EEIG2: variants seen among roughly 807,000 people sequenced by gnomAD.
The protein encoded by EEIG2 is family with sequence similarity 102 member B.
At chr1:108,611,746 A>G in the EEIG2 span, among the ~76,000 whole-genome samples, 1 of 152,214 alleles carries the variant, frequency 6.6e-6, no homozygotes, top group Non-Finnish European at 1.5e-5. Flanking sequence ...CTGGACCCAG[A>G]ATAGGGAGAG....
the EEIG2 span, among the ~76,000 whole-genome samples, chr1:108,563,015 A>G: frequency 6.6e-6 from 1 of 152,218 alleles, no homozygotes; most frequent in African/African-American, 2.4e-5. Context: ...GGTGTAGTTA[A>G]CACTGTAACA....
At chr1:108,596,146 A>G in the EEIG2 span, among the ~76,000 whole-genome samples, 63 of 151,714 alleles carry the variant, frequency 4.2e-4, no homozygotes, top group Non-Finnish European at 8.1e-4. Flanking sequence ...TCCAATTTTC[A>G]TGTTAGACAA....
chr1:108,598,809 T>C, the EEIG2 span, among the ~76,000 whole-genome samples: 1 of 152,136 alleles, frequency 6.6e-6, no homozygotes, highest in Non-Finnish European at 1.5e-5. Context: ...ATAATTCCTG[T>C]TCTTGGATTT....
At chr1:108,600,954 A>G in the EEIG2 span, among the ~76,000 whole-genome samples, 1 of 152,098 alleles carries the variant, frequency 6.6e-6, no homozygotes, top group Non-Finnish European at 1.5e-5. Context: ...GGGACTGTAT[A>G]TATCTATATC....
chr1:108,606,247 G>A, the EEIG2 span: 1 of 1,565,276 alleles, frequency 6.4e-7, no homozygotes, highest in Non-Finnish European at 8.7e-7. Flanking sequence ...AAAAGCTTAT[G>A]CAAAGGTAAG....
the EEIG2 span, among the ~76,000 whole-genome samples, chr1:108,578,237 G>A: frequency 4.5e-4 from 51 of 114,156 alleles, no homozygotes; most frequent in East Asian, 2.1e-3. Flanking sequence ...CAATCATGTC[G>A]TCTGCAAACA....
the EEIG2 span, chr1:108,600,712 C>T: frequency 6.3e-7 from 1 of 1,584,942 alleles, no homozygotes. Flanking sequence ...ATTACTTCTT[C>T]CCTTTCAGAA....
the EEIG2 span, among the ~76,000 whole-genome samples, chr1:108,571,558 C>T: frequency 6.6e-6 from 1 of 152,196 alleles, no homozygotes; most frequent in Non-Finnish European, 1.5e-5. Flanking sequence ...GTGACCAAGA[C>T]TTTCATCTTA....
At chr1:108,605,051 A>G in the EEIG2 span, among the ~76,000 whole-genome samples, 2 of 152,126 alleles carry the variant, frequency 1.3e-5, no homozygotes, top group Non-Finnish European at 2.9e-5. Flanking sequence ...TCTAAGAAAT[A>G]AAATAAATAA....
chr1:108,580,414 A>G, the EEIG2 span, among the ~76,000 whole-genome samples: 1 of 152,150 alleles, frequency 6.6e-6, no homozygotes, highest in Admixed American at 6.5e-5. Context: ...GAAGAGTTGC[A>G]CTTCTCTCAC....
At chr1:108,620,112 A>G in the EEIG2 span, among the ~76,000 whole-genome samples, 1 of 152,168 alleles carries the variant, frequency 6.6e-6, no homozygotes, top group Non-Finnish European at 1.5e-5. Context: ...GTGTGACTTT[A>G]CTCAGTATCT....
the EEIG2 span, among the ~76,000 whole-genome samples, chr1:108,595,578 G>T: frequency 6.9e-6 from 1 of 144,714 alleles, no homozygotes; most frequent in South Asian, 2.3e-4. Context: ...AGGGAGGAAA[G>T]GGAGGGTGGG....
the EEIG2 span, among the ~76,000 whole-genome samples, chr1:108,574,691 A>G: frequency 6.6e-6 from 1 of 152,228 alleles, no homozygotes; most frequent in Non-Finnish European, 1.5e-5. Flanking sequence ...CGGAGGTTGC[A>G]GTGAGCTGAG....
chr1:108,582,456 A>G, the EEIG2 span, among the ~76,000 whole-genome samples: 3 of 152,328 alleles, frequency 2.0e-5, no homozygotes, highest in Admixed American at 6.5e-5. Flanking sequence ...TTAATCTGCC[A>G]TAATATATAT....
the EEIG2 span, among the ~76,000 whole-genome samples, chr1:108,563,646 C>T: frequency 6.6e-6 from 1 of 152,108 alleles, no homozygotes; most frequent in Non-Finnish European, 1.5e-5. Flanking sequence ...CTTTGTACAA[C>T]AACTAAACAT....
At chr1:108,598,334 CAAAAAAAAAAA>C in the EEIG2 span, among the ~76,000 whole-genome samples, 82 of 91,880 alleles carry the variant, frequency 8.9e-4, no homozygotes, top group African/African-American at 2.9e-3. Flanking sequence ...ACCCTGTATC[CAAAAAAAAAAA>C]AAAAAAAAAA....
the EEIG2 span, among the ~76,000 whole-genome samples, chr1:108,590,255 G>A: frequency 6.6e-6 from 1 of 152,064 alleles, no homozygotes; most frequent in South Asian, 2.1e-4. Flanking sequence ...TCACAATTTT[G>A]TAGATCTGAC....
At chr1:108,620,786 A>C in the EEIG2 span, among the ~76,000 whole-genome samples, 1 of 152,306 alleles carries the variant, frequency 6.6e-6, no homozygotes, top group African/African-American at 2.4e-5. Flanking sequence ...CATTCGGTAC[A>C]TGTGTATTGA....
At chr1:108,598,668 G>A in the EEIG2 span, among the ~76,000 whole-genome samples, 1 of 152,158 alleles carries the variant, frequency 6.6e-6, no homozygotes, top group Non-Finnish European at 1.5e-5. Context: ...AGTTATCATA[G>A]TAGAACTGGT....
Sources: allele counts gnomAD v4.1 joint callset (sites outside exome capture counted in the v4.1 genomes callset), GRCh38; gene constraint gnomAD v4.1.1; transcripts MANE v1.5; gene names NCBI Gene and HGNC (gene_info 2026-07-23, HGNC 2026-07-21).